TANK: variants seen among roughly 807,000 people sequenced by gnomAD.
The protein encoded by TANK is TRAF family member associated NFKB activator.
TANK carries 15 observed loss-of-function variants against 43.6 expected under a neutral mutation model. That is an observed-to-expected ratio of 0.34 (90% CI 0.23 to 0.53). The LOEUF (loss-of-function observed/expected upper bound fraction) is 0.53, where lower values mean the gene tolerates loss of function less well. Among genes scored for constraint, TANK ranks in the 20% least tolerant of loss-of-function variants. The pLI, the probability that TANK is intolerant of heterozygous loss-of-function variation, is 0.94. For synonymous variants in TANK, 162 were observed against 178.2 expected, an observed-to-expected ratio of 0.91 and a Z score of 0.73; for missense variants, 417 against 498.6, an observed-to-expected ratio of 0.84 and a Z score of 1.56.
chr2:161,197,836 A>T (rs1387615775), intron 2 of TANK, among the ~76,000 whole-genome samples: 1 of 152,152 alleles, frequency 6.6e-6, no homozygotes, highest in Non-Finnish European at 1.5e-5. Flanking sequence ...CACAATGGGG[A>T]TTAAGTTTCA....
intron 1 of TANK, 155 bp from the exon 2 acceptor site, chr2:161,179,459 C>A: frequency 1.8e-6 from 1 of 558,748 alleles, no homozygotes; most frequent in Non-Finnish European, 2.8e-6. Context: ...AGGTTTCATA[C>A]AATTTCTAGT....
At chr2:161,199,902 TA>T (rs1312745777) in intron 2 of TANK, among the ~76,000 whole-genome samples, 1 of 152,028 alleles carries the variant, frequency 6.6e-6, no homozygotes, top group Non-Finnish European at 1.5e-5. Context: ...AATAATAAAA[TA>T]AAAAACAAAG....
At chr2:161,149,127 G>C (rs1223090242) in intron 1 of TANK, among the ~76,000 whole-genome samples, 1 of 152,144 alleles carries the variant, frequency 6.6e-6, no homozygotes. Context: ...CATGGACATA[G>C]GATGTCTTTC....
intron 2 of TANK, among the ~76,000 whole-genome samples, chr2:161,190,391 G>T (rs1479472090): frequency 6.6e-6 from 1 of 152,066 alleles, no homozygotes; most frequent in Non-Finnish European, 1.5e-5. Context: ...AAATGGTATG[G>T]CAATTCTTAA....
chr2:161,174,238 G>C (rs574471822), intron 1 of TANK, among the ~76,000 whole-genome samples: 1 of 152,194 alleles, frequency 6.6e-6, no homozygotes, highest in South Asian at 2.1e-4. Flanking sequence ...GAATTTAAAG[G>C]CTGTATTTTT....
At chr2:161,154,046 A>C (rs1004014930) in intron 1 of TANK, among the ~76,000 whole-genome samples, 1 of 152,216 alleles carries the variant, frequency 6.6e-6, no homozygotes, top group Admixed American at 6.5e-5. Flanking sequence ...TATCAGTCAT[A>C]ATGGCCATCC....
chr2:161,186,653 C>G (rs996032087), intron 2 of TANK, among the ~76,000 whole-genome samples: 4 of 152,108 alleles, frequency 2.6e-5, no homozygotes, highest in Admixed American at 1.3e-4. Flanking sequence ...TGGGTAAGAT[C>G]TCAAAGGCAC....
chr2:161,208,063 CCTT>C, intron 4 of TANK: 1 of 825,234 alleles, frequency 1.2e-6, no homozygotes, highest in Non-Finnish European at 1.5e-6. Flanking sequence ...GTGCTTTCCT[CCTT>C]CTGTTTGGTG....
chr2:161,212,500 T>C (rs1256637720), intron 4 of TANK: 1 of 985,296 alleles, frequency 1.0e-6, no homozygotes, highest in Non-Finnish European at 1.2e-6. Context: ...GGTTTGTGTT[T>C]TTGAATTCAG....
At chr2:161,215,726 A>G (rs1176675456) in intron 4 of TANK, among the ~76,000 whole-genome samples, 1 of 152,162 alleles carries the variant, frequency 6.6e-6, no homozygotes, top group Non-Finnish European at 1.5e-5. Context: ...AGTTCCTTCT[A>G]AGATACTGCT....
intron 4 of TANK, among the ~76,000 whole-genome samples, chr2:161,209,673 C>T (rs562752253): frequency 5.3e-5 from 8 of 151,882 alleles, no homozygotes; most frequent in East Asian, 3.9e-4. Context: ...CAAAATTCTC[C>T]GGTGGTTTGA....
chr2:161,142,090 CT>C (rs1683765448), intron 1 of TANK, among the ~76,000 whole-genome samples: 1 of 152,256 alleles, frequency 6.6e-6, no homozygotes, highest in East Asian at 1.9e-4. Flanking sequence ...TGATGTTGAG[CT>C]TTTTTCCATA....
At chr2:161,224,092 C>T in intron 5 of TANK, 101 bp downstream of exon 5, 1 of 797,258 alleles carries the variant, frequency 1.3e-6, no homozygotes. Context: ...AAAAAAATAG[C>T]CTTTTAGAAT....
Position 161,204,680 on chromosome 2 carries a change from A to G in TANK, c.214A>G (p.Asn72Asp). Residue 72 changes from asparagine (N) to aspartate (D), a missense_variant, in exon 4 of 8, where the codon AAT becomes GAT. Physicochemically the swap from Asn to Asp is conservative, Grantham distance 23. Transcript: ENST00000392749. Reference sequence around the variant, plus strand: ...AAGAGGTTTTTGTCTTGCAGATAACAATTATGGCTGTGTTCCTCTGCTTGA... The same window carrying G: ...AAGAGGTTTTTGTCTTGCAGATAACGATTATGGCTGTGTTCCTCTGCTTGA... ...LLLVNSTQDNNYGCVPLLEDS... is the reference protein window; with the variant it reads ...LLLVNSTQDNDYGCVPLLEDS... 2 of 1,608,554 alleles carry G rather than the reference A, an allele frequency of 1.2e-6. No individual in the cohort carries two copies. The highest frequency in any genetic ancestry group is 1.7e-6 in the Non-Finnish European group (2 of 1,177,954).
rs1222734375 is a variant in TANK, at chr2:161,223,930, G to C, written c.343G>C (p.Val115Leu). ...TATGTTTAAGGTAAGAAGACAAGAGGTTTCTTCTCCTAGAAAAGAAACTTC... is the reference window on the plus strand; with the variant it reads ...TATGTTTAAGGTAAGAAGACAAGAGCTTTCTTCTCCTAGAAAAGAAACTTC... ...EKLPKVRRQEVSSPRKETSAR... is the reference protein window; with the variant it reads ...EKLPKVRRQELSSPRKETSAR... The change falls in exon 5 of 8, where the codon GTT becomes CTT. Residue 115 changes from valine (V) to leucine (L), a missense_variant. Transcript: ENST00000392749. The C allele has an allele frequency of 3.1e-6, 5 of 1,601,022 alleles. No homozygotes were observed. The highest frequency in any genetic ancestry group is 4.3e-6 in the Non-Finnish European group (5 of 1,171,100).
intron 1 of TANK, among the ~76,000 whole-genome samples, chr2:161,167,341 A>G (rs577563511): frequency 6.6e-6 from 1 of 152,142 alleles, no homozygotes; most frequent in Non-Finnish European, 1.5e-5. Context: ...TGGCTCATAC[A>G]CTGTCAGCCT....
At chr2:161,167,672 G>C (rs1036803396) in intron 1 of TANK, among the ~76,000 whole-genome samples, 5 of 152,010 alleles carry the variant, frequency 3.3e-5, no homozygotes, top group African/African-American at 9.7e-5. Context: ...ACCCAGGCTG[G>C]AGTGCAGTGG....
At chr2:161,166,612 A>G (rs552765117) in intron 1 of TANK, among the ~76,000 whole-genome samples, 1 of 152,222 alleles carries the variant, frequency 6.6e-6, no homozygotes, top group Non-Finnish European at 1.5e-5. Flanking sequence ...CAAGCATGTA[A>G]CTAAGATACA....
chr2:161,229,751 T>C (rs760598164), intron 6 of TANK, among the ~76,000 whole-genome samples: 48 of 152,334 alleles, frequency 3.2e-4, no homozygotes, highest in Middle Eastern at 6.8e-3. Flanking sequence ...TACCTTGTGT[T>C]CTGTATACCC....
Sources: gnomAD v4.1 joint callset for allele counts (sites outside exome capture counted in the v4.1 genomes callset) on GRCh38, gnomAD v4.1.1 for gene constraint, MANE v1.5 for transcripts, NCBI Gene and HGNC (gene_info 2026-07-23, HGNC 2026-07-21) for gene names.